The following ST6GALNAC3 variants were observed in gnomAD, a reference collection of about 807,000 sequenced individuals.
ST6GALNAC3 encodes ST6 N-acetylgalactosaminide alpha-2,6-sialyltransferase 3, also known as alpha-N-acetylgalactosaminide alpha-2,6-sialyltransferase 3.
Under a neutral mutation model 32.7 loss-of-function variants are expected in ST6GALNAC3, and 25 were observed. That is an observed-to-expected ratio of 0.76 (90% CI 0.56 to 1.07). The LOEUF is 1.07. Ranked by LOEUF, ST6GALNAC3 falls within the 50% of genes least tolerant of loss-of-function variation. The pLI, the probability that ST6GALNAC3 is intolerant of heterozygous loss-of-function variation, is 0.00. For missense variants in ST6GALNAC3, 355 were observed against 382.4 expected (o/e 0.93, Z 0.60); for synonymous variants, 129 against 133.1 (o/e 0.97, Z 0.21).
intron 1 of ST6GALNAC3, among the ~76,000 whole-genome samples, chr1:76,105,950 A>G (rs183145347): frequency 1.3e-5 from 2 of 152,342 alleles, no homozygotes; most frequent in Admixed American, 1.3e-4. Flanking sequence ...ATTGTCAGGT[A>G]ACATGGAAAG....
intron 1 of ST6GALNAC3, among the ~76,000 whole-genome samples, chr1:76,108,860 T>C (rs1249070192): frequency 1.1e-5 from 1 of 92,824 alleles, no homozygotes; most frequent in East Asian, 3.5e-4. Context: ...TCTGTAGACA[T>C]AGTGTGTGTG....
rs564637988 is a variant in ST6GALNAC3, at chr1:76,190,559, C to T, written c.18+115675C>T. Among the ~76,000 whole-genome samples the T allele has an allele frequency of 3.3e-4, 51 of 152,302 alleles. No homozygotes were observed. In the South Asian group the frequency reaches 8.5e-3, roughly 25 times the overall value. On this transcript the variant is annotated intron_variant, in intron 1 of 4. Transcript: ENST00000328299. ...CACAAATTTCAGAATTTCCCACAAT[C>T]GTACAGAAATGGTTCTTGCCTGTGG...
intron 3 of ST6GALNAC3, among the ~76,000 whole-genome samples, chr1:76,505,661 C>A (rs932655359): frequency 2.0e-5 from 3 of 152,110 alleles, no homozygotes; most frequent in African/African-American, 7.2e-5. Context: ...ACCTCAACAT[C>A]CCTGGAGAAG....
chr1:76,625,617 G>A (rs1648920607), intron 3 of ST6GALNAC3, among the ~76,000 whole-genome samples: 1 of 151,786 alleles, frequency 6.6e-6, no homozygotes, highest in South Asian at 2.1e-4. Context: ...TTTCAAATAA[G>A]GGCTTTTTAA....
rs2101749864 is a variant in ST6GALNAC3 at position 76,509,136 on chromosome 1, T to C, written c.623+96719T>C. ...AGTTGTTCGTCAATTGTTGATGTAG[T>C]GTAAAATGATTTTAATGCTTGTGGT... On this transcript the variant is annotated intron_variant, in intron 3 of 4. Coordinates refer to ENST00000328299, the MANE Select transcript of ST6GALNAC3 (RefSeq NM_152996.4). The surrounding 1 kb of genome is among the most constrained non-coding windows in gnomAD (Gnocchi z 5.5). Among the ~76,000 whole-genome samples the C allele has an allele frequency of 6.6e-6, 1 of 152,292 alleles. No individual in the cohort carries two copies. Among genetic ancestry groups the C allele is most frequent in the Non-Finnish European group, 1.5e-5 (1 of 68,014 alleles).
intron 1 of ST6GALNAC3, among the ~76,000 whole-genome samples, chr1:76,200,354 C>T (rs1235888341): frequency 4.6e-5 from 7 of 152,108 alleles, no homozygotes; most frequent in Non-Finnish European, 1.0e-4. Context: ...GAAAGAATTC[C>T]CAGTCATTCC....
rs911710360 is a variant in ST6GALNAC3, at chr1:76,630,850, C to T, written c.*2044C>T. ...CTAATGATAGATAGAAATGCCCACT[C>T]AAAGAAAAATAAACAGAGACAAATG... On this transcript the variant is annotated 3_prime_UTR_variant, in exon 5 of 5. Transcript: ENST00000328299. The T allele has an allele frequency of 5.1e-6, 5 of 985,536 alleles. No homozygotes were observed. The highest frequency in any genetic ancestry group is 6.0e-6 in the Non-Finnish European group (5 of 829,794). 61.0% of individuals were successfully genotyped at this position (985,536 alleles called of 1,614,324 possible). A position where few individuals can be genotyped will look rare whatever the true frequency, so the allele number is the denominator to read the frequency against.
intron 1 of ST6GALNAC3, among the ~76,000 whole-genome samples, chr1:76,213,291 G>A (rs1034493349): frequency 1.3e-5 from 2 of 152,150 alleles, no homozygotes; most frequent in African/African-American, 4.8e-5. Context: ...TGACTGGAGG[G>A]TGCTAGGAGA....
intron 1 of ST6GALNAC3, among the ~76,000 whole-genome samples, chr1:76,079,043 A>G (rs1646854839): frequency 6.6e-6 from 1 of 152,068 alleles, no homozygotes; most frequent in South Asian, 2.1e-4. Context: ...TGGCCTCCCA[A>G]AGTGCTGGGA....
chr1:76,349,991 G>C (rs1648837166), intron 2 of ST6GALNAC3, among the ~76,000 whole-genome samples: 1 of 152,038 alleles, frequency 6.6e-6, no homozygotes, highest in African/African-American at 2.4e-5. Context: ...TATATAGATA[G>C]CTTGACTATA....
At chr1:76,201,527 T>C (rs749711139) in intron 1 of ST6GALNAC3, among the ~76,000 whole-genome samples, 8 of 152,176 alleles carry the variant, frequency 5.3e-5, no homozygotes, top group Non-Finnish European at 1.0e-4. Flanking sequence ...GGAAACTGAA[T>C]GTATAGGTGG....
intron 2 of ST6GALNAC3, 116 bp downstream of exon 2, chr1:76,314,115 C>T: frequency 1.1e-6 from 1 of 924,594 alleles, no homozygotes; most frequent in Non-Finnish European, 1.6e-6. Flanking sequence ...GGAGAGCTTG[C>T]TTGGGTCCCT....
At chr1:76,281,231 A>AT (rs1313015642) in intron 1 of ST6GALNAC3, among the ~76,000 whole-genome samples, 1 of 152,218 alleles carries the variant, frequency 6.6e-6, no homozygotes, top group East Asian at 1.9e-4. Flanking sequence ...ATCGATATAG[A>AT]TTTTTTTCTT....
chr1:76,353,346 G>A (rs1194326551), intron 2 of ST6GALNAC3, among the ~76,000 whole-genome samples: 1 of 152,148 alleles, frequency 6.6e-6, no homozygotes, highest in East Asian at 1.9e-4. Flanking sequence ...CCTTCAGAGA[G>A]GCTTCCAACC....
At chr1:76,167,760 T>C (rs1483818707) in intron 1 of ST6GALNAC3, among the ~76,000 whole-genome samples, 4 of 152,342 alleles carry the variant, frequency 2.6e-5, no homozygotes, top group Non-Finnish European at 5.9e-5. Context: ...CTAGATTTTC[T>C]AGTTTATGTG....
At chr1:76,470,129 C>T (rs1233296212) in intron 3 of ST6GALNAC3, among the ~76,000 whole-genome samples, 1 of 152,032 alleles carries the variant, frequency 6.6e-6, no homozygotes, top group Admixed American at 6.6e-5. Context: ...CACTGATGAC[C>T]TGTTAACAAT....
intron 3 of ST6GALNAC3, among the ~76,000 whole-genome samples, chr1:76,520,718 G>A (rs563277177): frequency 1.7e-4 from 26 of 151,980 alleles, no homozygotes; most frequent in South Asian, 8.3e-4. Flanking sequence ...CCTGGTGGAC[G>A]GACACCTTAT....
At chr1:76,275,753 G>A (rs1199740937) in intron 1 of ST6GALNAC3, among the ~76,000 whole-genome samples, 1 of 152,026 alleles carries the variant, frequency 6.6e-6, no homozygotes, top group Non-Finnish European at 1.5e-5. Flanking sequence ...TCTCCCTTCT[G>A]TATTATGTAT....
intron 1 of ST6GALNAC3, among the ~76,000 whole-genome samples, chr1:76,277,623 C>A (rs1037688917): frequency 4.7e-5 from 6 of 128,160 alleles, no homozygotes; most frequent in African/African-American, 1.2e-4. Context: ...CACACACACA[C>A]ACACACACAC....
Sources: allele counts gnomAD v4.1 joint callset (sites outside exome capture counted in the v4.1 genomes callset), GRCh38; gene constraint gnomAD v4.1.1; non-coding constraint Gnocchi (gnomAD v3.1); transcripts MANE v1.5; gene names NCBI Gene and HGNC (gene_info 2026-07-23, HGNC 2026-07-21).